MED25: variants seen among roughly 807,000 people sequenced by gnomAD.
The protein encoded by MED25 is mediator complex subunit 25.
Under a neutral mutation model 89.4 loss-of-function variants are expected in MED25, and 62 were observed. The observed-to-expected ratio is 0.69, with a 90% CI of 0.57 to 0.86. MED25 has a LOEUF of 0.86. Among genes scored for constraint, MED25 ranks in the 40% least tolerant of loss-of-function variants. MED25 has a pLI of 0.00. For missense variants in MED25, 905 were observed against 1,005.2 expected, an observed-to-expected ratio of 0.90 and a Z score of 1.35; for synonymous variants, 449 against 427.9, an observed-to-expected ratio of 1.05 and a Z score of -0.61.
downstream of MED25, among the ~76,000 whole-genome samples, chr19:49,837,300 G>C (rs1250640255): frequency 6.6e-6 from 1 of 152,256 alleles, no homozygotes; most frequent in East Asian, 1.9e-4. Flanking sequence ...AGGAGGTGAG[G>C]GGTGATCTGG....
In MED25 at chr19:49,835,445, C is replaced by CT; in HGVS notation, c.1675-88dup. On this transcript the variant is annotated intron_variant, in intron 14 of 17. Transcript: ENST00000312865. The surrounding 1 kb of genome is among the most constrained non-coding windows in gnomAD (Gnocchi z 6.2). ...CAAAGAGAATGTCCCCATCTCCTTA[C>CT]TAGTTCCCCTCAGGGCACAGGCCCT... 1.5e-6 allele frequency: 2 copies of CT among 1,303,468 alleles called. No homozygotes were observed. Among genetic ancestry groups the CT allele is most frequent in the Non-Finnish European group, 2.1e-6 (2 of 951,068 alleles). The allele number at this position is 1,303,468 out of a possible 1,614,324, so 80.7% of individuals were successfully genotyped here. A position where few individuals can be genotyped will look rare whatever the true frequency, so the allele number is the denominator to read the frequency against.
Position 49,834,987 on chromosome 19 carries a change from C to T in MED25, c.1484C>T (p.Ala495Val). The T allele has an allele frequency of 6.2e-7, 1 of 1,613,950 alleles. No homozygotes were observed. The highest frequency in any genetic ancestry group is 8.5e-7 in the Non-Finnish European group (1 of 1,179,956). Residue 495 changes from alanine to valine, a missense_variant and splice_region_variant, in exon 14 of 18, where the codon GCG becomes GTG. By Grantham distance (64) the Ala-to-Val change is moderately conservative. Around this residue, in one of 3 missense-constraint regions of MED25, gnomAD observed 133 missense variants for 220.2 expected, o/e 0.60. Transcript: ENST00000312865. This position sits in a 1 kb window ranked among gnomAD's most constrained non-coding sequence, Gnocchi z 4.1. ...GLYRIMGNGFAGCVHFPHTAP... is the reference protein window; with the variant it reads ...GLYRIMGNGFVGCVHFPHTAP... ...TCTGAAGAGCTGTTGTCCACCCAGG[C>T]GGGCTGCGTGCACTTCCCCCACACG... is the stretch of plus-strand genomic sequence containing the variant.
At chr19:49,827,386 C>T (rs549804798) in intron 3 of MED25, among the ~76,000 whole-genome samples, 2 of 152,298 alleles carry the variant, frequency 1.3e-5, no homozygotes, top group African/African-American at 4.8e-5. Context: ...ATTGATGTCT[C>T]AGGGTTCTGG....
At chr19:49,827,227 T>C (rs2074021568) in intron 3 of MED25, among the ~76,000 whole-genome samples, 2 of 152,134 alleles carry the variant, frequency 1.3e-5, no homozygotes, top group African/African-American at 4.8e-5. Context: ...ACAGCTGCCC[T>C]TGAGGAGAGG....
At chr19:49,836,985 C>A, downstream of MED25, 1 of 1,488,608 alleles carries the variant, frequency 6.7e-7, no homozygotes, top group South Asian at 1.2e-5. This position sits in a 1 kb window ranked among gnomAD's most constrained non-coding sequence, Gnocchi z 5.1. Context: ...ACACACGCCC[C>A]GGCTCCCGTC....
Position 49,831,227 on chromosome 19 carries a change from G to C in MED25, c.1102-106G>C. 1 of 1,237,950 alleles carries C rather than the reference G, an allele frequency of 8.1e-7. No individual in the cohort carries two copies. Among genetic ancestry groups the C allele is most frequent in the East Asian group, 2.5e-5 (1 of 39,528 alleles). 76.7% of individuals were successfully genotyped at this position (1,237,950 alleles called of 1,614,324 possible). ...CAAGTGCTGTTCTGGGGATGGAGGG[G>C]CAGAAGAAGGGATCTTTCCTCCTTC... is the stretch of plus-strand genomic sequence containing the variant. On this transcript the variant is annotated intron_variant, in intron 9 of 17. Transcript: ENST00000312865. This position sits in a 1 kb window ranked among gnomAD's most constrained non-coding sequence, Gnocchi z 5.0.
Position 49,828,974 on chromosome 19 carries a change from C to T in MED25, c.409C>T (p.Gln137Ter), listed in dbSNP as rs1357416273. ...GTCTTCTCTCTTTCCTGGTAGTGGC[C>T]AGACGCACCGGGTCTGCCTCCTCAT... ...DFKKMREQIG[Q>*]THRVCLLICN... The change falls in exon 5 of 18, where the codon CAG (glutamine) becomes TAG (stop). Residue 137 changes from glutamine to a stop codon, truncating the protein, a stop_gained. Coordinates refer to ENST00000312865, the MANE Select transcript of MED25 (RefSeq NM_030973.4). LOFTEE classifies it high-confidence loss of function. 1 of 1,614,030 alleles carries T rather than the reference C, an allele frequency of 6.2e-7. No homozygotes were observed. The highest frequency in any genetic ancestry group is 1.1e-5 in the South Asian group (1 of 91,078).
chr19:49,840,069 T>C (rs897311603), downstream of MED25: 4 of 152,188 alleles, frequency 2.6e-5, no homozygotes, highest in African/African-American at 9.7e-5. Flanking sequence ...CTGTTTTCCG[T>C]TACGAACCTG....
At chr19:49,826,995 A>G (rs1027590718) in intron 3 of MED25, among the ~76,000 whole-genome samples, 2 of 152,066 alleles carry the variant, frequency 1.3e-5, no homozygotes, top group East Asian at 1.9e-4. Context: ...CACTTAGCCT[A>G]CATTTCCTGA....
At chr19:49,838,456 C>T (rs2074114638), downstream of MED25, 1 of 407,822 alleles carries the variant, frequency 2.5e-6, no homozygotes. Flanking sequence ...CCCCACCACT[C>T]CCTCTTGGCT....
At chr19:49,826,197 C>T (rs147687708) in intron 3 of MED25, among the ~76,000 whole-genome samples, 102 of 152,104 alleles carry the variant, frequency 6.7e-4, no homozygotes, top group African/African-American at 2.3e-3. Context: ...AAAAATTAGC[C>T]GGGCGTGGTG....
chr19:49,834,705 G>T lies in MED25; in HGVS notation c.1483-281G>T. 2.0e-6 allele frequency: 1 copy of T among 511,846 alleles called. No individual in the cohort carries two copies. The highest frequency in any genetic ancestry group is 3.6e-6 in the Non-Finnish European group (1 of 280,700). The allele number at this position is 511,846 out of a possible 1,614,324, so 31.7% of individuals were successfully genotyped here. On this transcript the variant is annotated intron_variant, in intron 13 of 17. Transcript: ENST00000312865. This position sits in a 1 kb window ranked among gnomAD's most constrained non-coding sequence, Gnocchi z 4.1. ...GTGGCATTTTATGCCCAAGAAACTG[G>T]GTCCATGAGGAGCAGGTGGTGGCTG...
In MED25 at chr19:49,829,060, A is replaced by C. The variant is rs758783844; in HGVS notation, c.495A>C (p.Thr165=). ...AVESTTYSGC[T]TENLVQQIGE... is the part of the protein sequence containing the mutation. Reference sequence around the variant, plus strand: ...AGAGCACCACGTACTCTGGATGCACAACTGAGAATCTTGTGCAGCAGATTG... The same window carrying C: ...AGAGCACCACGTACTCTGGATGCACCACTGAGAATCTTGTGCAGCAGATTG... Residue 165 remains threonine, a synonymous_variant, in exon 5 of 18, where the codon ACA becomes ACC. Transcript: ENST00000312865. The surrounding 1 kb of genome is among the most constrained non-coding windows in gnomAD (Gnocchi z 4.6). 6.2e-7 allele frequency: 1 copy of C among 1,613,952 alleles called. No individual in the cohort carries two copies. The highest frequency in any genetic ancestry group is 8.5e-7 in the Non-Finnish European group (1 of 1,179,950).
Position 49,829,864 on chromosome 19 carries a change from G to T in MED25, c.604G>T (p.Ala202Ser). The change falls in exon 6 of 18, where the codon GCC (alanine) becomes TCC (serine). Residue 202 changes from alanine to serine, a missense_variant. By Grantham distance (99) the Ala-to-Ser change is moderately conservative. Coordinates refer to ENST00000312865, the MANE Select transcript of MED25 (RefSeq NM_030973.4). The surrounding 1 kb of genome is among the most constrained non-coding windows in gnomAD (Gnocchi z 4.6). ...TCTGTTTGAGAAGGCAGCCCCCCCG[G>T]CCTTGCTGGAGCCGCTGCAGCCTCC... ...RLLFEKAAPPALLEPLQPPTD... is the reference protein window; with the variant it reads ...RLLFEKAAPPSLLEPLQPPTD... 5 of 1,612,860 alleles carry T rather than the reference G, an allele frequency of 3.1e-6. No homozygotes were observed. Among genetic ancestry groups the T allele is most frequent in the Non-Finnish European group, 4.2e-6 (5 of 1,179,782 alleles).
rs2074059232 is a variant in MED25, at chr19:49,831,758, A to G, written c.1231-178A>G. The stretch of plus-strand genomic sequence containing the variant: ...GGATGGTGGGATTTAGGGGCCGGGC[A>G]CGTAGCTGTAACATTTGAGGAACTG... On this transcript the variant is annotated intron_variant, in intron 10 of 17. Transcript: ENST00000312865. This position sits in a 1 kb window ranked among gnomAD's most constrained non-coding sequence, Gnocchi z 5.0. Among the ~76,000 whole-genome samples, 3 of 152,012 alleles carry G rather than the reference A, an allele frequency of 2.0e-5. No individual in the cohort carries two copies. Among genetic ancestry groups the G allele is most frequent in the African/African-American group, 7.2e-5 (3 of 41,382 alleles).
Position 49,836,522 on chromosome 19 carries a change from GTT to G in MED25, c.2146+117_2146+118del. On this transcript the variant is annotated intron_variant, in intron 17 of 17. Transcript: ENST00000312865. The surrounding 1 kb of genome is among the most constrained non-coding windows in gnomAD (Gnocchi z 5.1). ...AAAGACATAGGATCCAAGAATGAGG[GTT>G]CCCCCATGGCCTTTGCGGAGCTCTG... 2 of 1,278,744 alleles carry G rather than the reference GTT, an allele frequency of 1.6e-6. No individual in the cohort carries two copies. Among genetic ancestry groups the G allele is most frequent in the Non-Finnish European group, 2.2e-6 (2 of 899,184 alleles). 79.2% of individuals were successfully genotyped at this position (1,278,744 alleles called of 1,614,324 possible). A position where few individuals can be genotyped will look rare whatever the true frequency, so the allele number is the denominator to read the frequency against.
Position 49,830,146 on chromosome 19 carries a change from C to T in MED25, c.747C>T (p.Pro249=), listed in dbSNP as rs111621037. 26 of 1,605,444 alleles carry T rather than the reference C, an allele frequency of 1.6e-5. No individual in the cohort carries two copies. The highest frequency in any genetic ancestry group is 5.0e-5 in the Admixed American group (3 of 59,938). Reference sequence around the variant, plus strand: ...CAAAGCAGCCAGTCCCCCTGCCTCCCGCCGCACCCTCAGGTGCCACTCTCT... The same window carrying T: ...CAAAGCAGCCAGTCCCCCTGCCTCCTGCCGCACCCTCAGGTGCCACTCTCT... ...LQSKQPVPLP[P]AAPSGATLSA... The change falls in exon 7 of 18, where the codon CCC becomes CCT. Residue 249 remains proline (P), a synonymous_variant. Transcript: ENST00000312865. This position sits in a 1 kb window ranked among gnomAD's most constrained non-coding sequence, Gnocchi z 4.6.
At chr19:49,823,444 T>C (rs2073996582) in intron 3 of MED25, among the ~76,000 whole-genome samples, 1 of 152,214 alleles carries the variant, frequency 6.6e-6, no homozygotes, top group Admixed American at 6.5e-5. Flanking sequence ...ATACAGTGCC[T>C]GGCATGTATT....
Position 49,836,935 on chromosome 19 carries a change from T to C in MED25, c.2235T>C (p.Asp745=). The change falls in exon 18 of 18, where the codon GAT becomes GAC. Residue 745 remains aspartate (D), a synonymous_variant. Transcript: ENST00000312865. The surrounding 1 kb of genome is among the most constrained non-coding windows in gnomAD (Gnocchi z 5.1). ...TCATGGAGGACGACATCCTCATGGA[T>C]CTCATCTGAATCCCCAACACCCAAT... ...PSVMEDDILM[D]LI 1 of 1,612,756 alleles carries C rather than the reference T, an allele frequency of 6.2e-7. No homozygotes were observed. The highest frequency in any genetic ancestry group is 8.5e-7 in the Non-Finnish European group (1 of 1,179,582).
Sources: allele counts gnomAD v4.1 joint callset (sites outside exome capture counted in the v4.1 genomes callset), GRCh38; gene constraint gnomAD v4.1.1; regional missense constraint gnomAD v4.1.1; non-coding constraint Gnocchi (gnomAD v3.1); transcripts MANE v1.5; gene names NCBI Gene and HGNC (gene_info 2026-07-23, HGNC 2026-07-21).